Variants in ASB18 observed in about 807,000 individuals in gnomAD.
ASB18 encodes ankyrin repeat and SOCS box protein 18.
In ASB18, 33 loss-of-function variants were observed where a neutral mutation model predicts 33.4. The ratio of observed to expected loss-of-function variants is 0.99; its 90% CI spans 0.75 to 1.32. ASB18 has a LOEUF of 1.32. Ranked by LOEUF, ASB18 falls within the 40% of genes most tolerant of loss-of-function variation. The pLI is 0.00. For missense variants in ASB18, 694 were observed against 655.5 expected, an observed-to-expected ratio of 1.06 and a Z score of -0.64; for synonymous variants, 295 against 307.6, an observed-to-expected ratio of 0.96 and a Z score of 0.43.
At position 236,220,972 on chromosome 2, in the gene ASB18, C is replaced by T. The variant is rs775739884; in HGVS notation, c.597-6106G>A. 2.6e-5 allele frequency among the ~76,000 whole-genome samples: 4 copies of T among 152,194 alleles called. No homozygotes were observed. The highest frequency in any genetic ancestry group is 2.9e-5 in the Non-Finnish European group (2 of 68,034). On this transcript the variant is annotated intron_variant, in intron 3 of 5. Coordinates refer to ENST00000409749, the MANE Select transcript of ASB18 (RefSeq NM_212556.4). The surrounding 1 kb of genome is among the most constrained non-coding windows in gnomAD (Gnocchi z 5.1). ...GGCAAGGCGACCCATGGACCTCATT[C>T]TACGGGGTGGCACAGTAACCGGTTC...
rs1224046997 is a variant in ASB18 at position 236,229,683 on chromosome 2, C to T, written c.596+8006G>A. Among the ~76,000 whole-genome samples the T allele has an allele frequency of 3.3e-5, 5 of 151,850 alleles. No individual in the cohort carries two copies. Among genetic ancestry groups the T allele is most frequent in the African/African-American group, 1.2e-4 (5 of 41,354 alleles). ...ATGGTGAAATCCTGGCTCTACTAAA[C>T]ATACAAAAATTAGCTGGTGTGGTGG... is the stretch of plus-strand genomic sequence containing the variant. On this transcript the variant is annotated intron_variant, in intron 3 of 5. Transcript: ENST00000409749. The surrounding 1 kb of genome is among the most constrained non-coding windows in gnomAD (Gnocchi z 5.2).
Position 236,262,490 on chromosome 2 carries a change from G to A in ASB18, c.205+1651C>T, listed in dbSNP as rs534619887. ...CAGCAGCGATCTGGCAGGGAGGGCC[G>A]GGGAAGCACTTGCCCTACCCTCACT... On this transcript the variant is annotated intron_variant, in intron 1 of 5. Transcript: ENST00000409749. The surrounding 1 kb of genome is among the most constrained non-coding windows in gnomAD (Gnocchi z 5.2). Among the ~76,000 whole-genome samples the A allele has an allele frequency of 5.9e-5, 9 of 152,316 alleles. No homozygotes were observed. The South Asian group carries it at 8.3e-4, about 14-fold the overall frequency.
intron 2 of ASB18, among the ~76,000 whole-genome samples, chr2:236,240,711 C>T (rs2060617374): frequency 6.6e-6 from 1 of 152,196 alleles, no homozygotes; most frequent in African/African-American, 2.4e-5. Context: ...CATGTTCAGG[C>T]AGCAAGAGCA....
At position 236,261,450 on chromosome 2, in the gene ASB18, G is replaced by A. The variant is rs192236347; in HGVS notation, c.205+2691C>T. Among the ~76,000 whole-genome samples, 15 of 152,212 alleles carry A rather than the reference G, an allele frequency of 9.9e-5. No individual in the cohort carries two copies. In the South Asian group the frequency reaches 1.0e-3, roughly 11 times the overall value. ...CCAGAGTGGCATACCCCAAATGAAC[G>A]TCTGACCGTGTTGCTCCCTGCACCC... On this transcript the variant is annotated intron_variant, in intron 1 of 5. Transcript: ENST00000409749.
rs2060363146 is a variant in ASB18 at position 236,194,815 on chromosome 2, G to A, written c.*57C>T. ...TGCATCAGGGCACTCTCCAACACAC[G>A]GCCTCCATGGAAGGTCAGCGAGGAG... On this transcript the variant is annotated 3_prime_UTR_variant, in exon 6 of 6. Coordinates refer to ENST00000409749, the MANE Select transcript of ASB18 (RefSeq NM_212556.4). The surrounding 1 kb of genome is among the most constrained non-coding windows in gnomAD (Gnocchi z 4.5). The A allele has an allele frequency of 8.9e-6, 13 of 1,464,212 alleles. No individual in the cohort carries two copies. Among genetic ancestry groups the A allele is most frequent in the South Asian group, 5.2e-5 (4 of 76,760 alleles). The allele number at this position is 1,464,212 out of a possible 1,614,324, so 90.7% of individuals were successfully genotyped here. A position where few individuals can be genotyped will look rare whatever the true frequency, so the allele number is the denominator to read the frequency against.
At position 236,259,688 on chromosome 2, in the gene ASB18, G is replaced by T; in HGVS notation, c.205+4453C>A. On this transcript the variant is annotated intron_variant, in intron 1 of 5. Coordinates refer to ENST00000409749, the MANE Select transcript of ASB18 (RefSeq NM_212556.4). The surrounding 1 kb of genome is among the most constrained non-coding windows in gnomAD (Gnocchi z 4.4). ...AGCGTGGGGGGCTCAGCCTCAGTGA[G>T]CCCAGCAGGATGTTGGGCATCTCAG... The T allele has an allele frequency of 2.3e-6, 1 of 436,890 alleles. No homozygotes were observed. Among genetic ancestry groups the T allele is most frequent in the Non-Finnish European group, 4.8e-6 (1 of 207,844 alleles). 27.1% of individuals were successfully genotyped at this position (436,890 alleles called of 1,614,324 possible). A position where few individuals can be genotyped will look rare whatever the true frequency, so the allele number is the denominator to read the frequency against.
rs1356584370 is a variant in ASB18 at position 236,205,408 on chromosome 2, A to C, written c.1101+8954T>G. ...GACATCCACACAGTGGGTCCCTCACATCTCTCAAGTCTTTGTTCAGCAGTC... is the reference window on the plus strand; with the variant it reads ...GACATCCACACAGTGGGTCCCTCACCTCTCTCAAGTCTTTGTTCAGCAGTC... On this transcript the variant is annotated intron_variant, in intron 4 of 5. Coordinates refer to ENST00000409749, the MANE Select transcript of ASB18 (RefSeq NM_212556.4). The surrounding 1 kb of genome is among the most constrained non-coding windows in gnomAD (Gnocchi z 5.4). 6.6e-6 allele frequency among the ~76,000 whole-genome samples: 1 copy of C among 152,094 alleles called. No individual in the cohort carries two copies. Among genetic ancestry groups the C allele is most frequent in the Non-Finnish European group, 1.5e-5 (1 of 68,026 alleles).
At chr2:236,242,261 T>A (rs917000547) in intron 1 of ASB18, among the ~76,000 whole-genome samples, 1 of 152,164 alleles carries the variant, frequency 6.6e-6, no homozygotes, top group Non-Finnish European at 1.5e-5. Flanking sequence ...TTGCATCAGG[T>A]AGGACCTACT....
intron 1 of ASB18, among the ~76,000 whole-genome samples, chr2:236,254,372 A>C (rs192566374): frequency 3.4e-4 from 52 of 151,636 alleles, no homozygotes; most frequent in African/African-American, 1.1e-3. Flanking sequence ...AGTAAACCTG[A>C]CTCAACAACA....
In ASB18 at chr2:236,238,612, T is replaced by G. The variant is rs1313859416; in HGVS notation, c.329-656A>C. On this transcript the variant is annotated intron_variant, in intron 2 of 5. Transcript: ENST00000409749. The surrounding 1 kb of genome is among the most constrained non-coding windows in gnomAD (Gnocchi z 5.2). ...TTTGTTTCTTTGCGCTTTTTAGGGG[T>G]GTGTGTGTGTGTGTGTGTAGGGTTG... 2.0e-5 allele frequency among the ~76,000 whole-genome samples: 3 copies of G among 150,322 alleles called. No individual in the cohort carries two copies. Among genetic ancestry groups the G allele is most frequent in the African/African-American group, 2.5e-5 (1 of 40,776 alleles).
At chr2:236,227,342 C>T (rs1056845703) in intron 3 of ASB18, among the ~76,000 whole-genome samples, 1 of 152,180 alleles carries the variant, frequency 6.6e-6, no homozygotes, top group Non-Finnish European at 1.5e-5. Flanking sequence ...AATATAGTTT[C>T]AATTCCTATA....
Position 236,228,511 on chromosome 2 carries a change from T to C in ASB18, c.596+9178A>G, listed in dbSNP as rs2060551018. Among the ~76,000 whole-genome samples the C allele has an allele frequency of 6.6e-6, 1 of 152,200 alleles. No homozygotes were observed. The highest frequency in any genetic ancestry group is 2.1e-4 in the South Asian group (1 of 4,830). ...AATTAGTGTGTGGGCATGAGGAAAC[T>C]ACCTAAGCTGTGGAAAGAGCCACCT... On this transcript the variant is annotated intron_variant, in intron 3 of 5. Coordinates refer to ENST00000409749, the MANE Select transcript of ASB18 (RefSeq NM_212556.4). This position sits in a 1 kb window ranked among gnomAD's most constrained non-coding sequence, Gnocchi z 5.1.
chr2:236,246,002 G>A (rs1162534020), intron 1 of ASB18, among the ~76,000 whole-genome samples: 1 of 152,118 alleles, frequency 6.6e-6, no homozygotes, highest in Non-Finnish European at 1.5e-5. Context: ...CCTCAGATCT[G>A]TGGGCTTTAC....
At position 236,205,021 on chromosome 2, in the gene ASB18, AT is replaced by A. The variant is rs1280629425; in HGVS notation, c.1102-8637del. ...GATCGCCTCCCTTGTCCACACCACC[AT>A]CACCCCTCCTGTGAATCACAGCAAC... On this transcript the variant is annotated intron_variant, in intron 4 of 5. Coordinates refer to ENST00000409749, the MANE Select transcript of ASB18 (RefSeq NM_212556.4). The surrounding 1 kb of genome is among the most constrained non-coding windows in gnomAD (Gnocchi z 5.4). 6.6e-6 allele frequency among the ~76,000 whole-genome samples: 1 copy of A among 152,084 alleles called. No individual in the cohort carries two copies. The highest frequency in any genetic ancestry group is 2.4e-5 in the African/African-American group (1 of 41,378).
Position 236,214,397 on chromosome 2 carries a change from C to G in ASB18, c.1066G>C (p.Gly356Arg). The change falls in exon 4 of 6, where the codon GGC becomes CGC. Residue 356 changes from glycine (G) to arginine (R), a missense_variant. Coordinates refer to ENST00000409749, the MANE Select transcript of ASB18 (RefSeq NM_212556.4). This position sits in a 1 kb window ranked among gnomAD's most constrained non-coding sequence, Gnocchi z 6.5. ...QRTVQALLNH[G>R]SPTVWPDAFP... is the part of the protein sequence containing the mutation. ...GCGTCGGGCCACACGGTGGGAGAGC[C>G]GTGGTTGAGCAGCGCCTGCACCGTG... is the stretch of plus-strand genomic sequence containing the variant. 6.3e-7 allele frequency: 1 copy of G among 1,575,788 alleles called. No homozygotes were observed. Among genetic ancestry groups the G allele is most frequent in the Non-Finnish European group, 8.6e-7 (1 of 1,166,382 alleles).
Position 236,231,845 on chromosome 2 carries a change from T to G in ASB18, c.596+5844A>C, listed in dbSNP as rs2106276138. Among the ~76,000 whole-genome samples the G allele has an allele frequency of 6.6e-6, 1 of 152,304 alleles. No homozygotes were observed. Among genetic ancestry groups the G allele is most frequent in the East Asian group, 1.9e-4 (1 of 5,190 alleles). ...CATTTATGTACCTAATAATAGAGCTTCAAATTACTTGAAACAAAAACTGAC... is the reference window on the plus strand; with the variant it reads ...CATTTATGTACCTAATAATAGAGCTGCAAATTACTTGAAACAAAAACTGAC... On this transcript the variant is annotated intron_variant, in intron 3 of 5. Transcript: ENST00000409749. The surrounding 1 kb of genome is among the most constrained non-coding windows in gnomAD (Gnocchi z 5.5).
rs1162604994 is a variant in ASB18, at chr2:236,204,342, GA to G, written c.1102-7958del. ...AATGCAGCCTTCACTTGGCTTTGAGGAAGGTGTGCTCTCATTCCTTCCACCT... is the reference window on the plus strand; with the variant it reads ...AATGCAGCCTTCACTTGGCTTTGAGGAGGTGTGCTCTCATTCCTTCCACCT... On this transcript the variant is annotated intron_variant, in intron 4 of 5. Transcript: ENST00000409749. This position sits in a 1 kb window ranked among gnomAD's most constrained non-coding sequence, Gnocchi z 5.1. Among the ~76,000 whole-genome samples the G allele has an allele frequency of 6.6e-6, 1 of 152,156 alleles. No individual in the cohort carries two copies. The highest frequency in any genetic ancestry group is 2.4e-5 in the African/African-American group (1 of 41,452).
At chr2:236,199,837 T>G (rs2060391756) in intron 4 of ASB18, among the ~76,000 whole-genome samples, 1 of 152,178 alleles carries the variant, frequency 6.6e-6, no homozygotes, top group African/African-American at 2.4e-5. Context: ...ATTATTGGAA[T>G]CAGGAAGGCA....
Position 236,237,628 on chromosome 2 carries a change from G to C in ASB18, c.596+61C>G. On this transcript the variant is annotated intron_variant, in intron 3 of 5. Transcript: ENST00000409749. The surrounding 1 kb of genome is among the most constrained non-coding windows in gnomAD (Gnocchi z 6.2). ...AGGCGGGGTCGGCGGTCTCGTGGGG[G>C]GAGGCGGGCGTCTGGTCTCGGGGCG... 7.7e-7 allele frequency: 1 copy of C among 1,295,638 alleles called. No individual in the cohort carries two copies. Among genetic ancestry groups the C allele is most frequent in the Non-Finnish European group, 9.9e-7 (1 of 1,013,750 alleles). 80.3% of individuals were successfully genotyped at this position (1,295,638 alleles called of 1,614,324 possible).
Sources: allele counts gnomAD v4.1 joint callset (sites outside exome capture counted in the v4.1 genomes callset), GRCh38; gene constraint gnomAD v4.1.1; non-coding constraint Gnocchi (gnomAD v3.1); transcripts MANE v1.5; gene names NCBI Gene and HGNC (gene_info 2026-07-23, HGNC 2026-07-21).